RBFOX1: variants seen among roughly 807,000 people sequenced by gnomAD.
RBFOX1 encodes RNA binding protein fox-1 homolog 1.
In RBFOX1, 8 loss-of-function variants were observed where a neutral mutation model predicts 57.7. That is an observed-to-expected ratio of 0.14 (90% CI 0.08 to 0.25). The LOEUF (loss-of-function observed/expected upper bound fraction) is 0.25, where lower values mean the gene tolerates loss of function less well. RBFOX1 is among the 10% of genes least tolerant of loss of function. The pLI, the probability that RBFOX1 is intolerant of heterozygous loss-of-function variation, is 1.00. For missense variants in RBFOX1, 611 were observed against 548.5 expected, an observed-to-expected ratio of 1.11 and a Z score of -1.14; for synonymous variants, 326 against 222.4, an observed-to-expected ratio of 1.47 and a Z score of -4.15.
At chr16:5,531,598 C>G (rs567780608) in intron 2 of RBFOX1, among the ~76,000 whole-genome samples, 4 of 152,296 alleles carry the variant, frequency 2.6e-5, no homozygotes, top group African/African-American at 9.6e-5. Context: ...ATCTGCAAGT[C>G]TCAGTTTTTT....
chr16:6,026,795 A>G (rs990385939), intron 1 of RBFOX1, among the ~76,000 whole-genome samples: 3 of 152,144 alleles, frequency 2.0e-5, no homozygotes, highest in East Asian at 3.9e-4. Context: ...TGGCCTCTTT[A>G]TCTAGGCTCA....
chr16:6,989,079 T>C (rs1004258780), intron 3 of RBFOX1, among the ~76,000 whole-genome samples: 1 of 152,042 alleles, frequency 6.6e-6, no homozygotes, highest in African/African-American at 2.4e-5. Flanking sequence ...GTATTTTTAG[T>C]AGAGACGGGA....
intron 4 of RBFOX1, among the ~76,000 whole-genome samples, chr16:7,215,518 C>T (rs1160687390): frequency 6.6e-6 from 1 of 152,124 alleles, no homozygotes; most frequent in Non-Finnish European, 1.5e-5. Context: ...ACGATTTACA[C>T]AGTGCAAAAT....
intron 4 of RBFOX1, among the ~76,000 whole-genome samples, chr16:5,881,464 G>C (rs1360598158): frequency 6.6e-6 from 1 of 152,130 alleles, no homozygotes; most frequent in Non-Finnish European, 1.5e-5. Context: ...TGGATCACTT[G>C]AGGTGAAGAG....
intron 4 of RBFOX1, among the ~76,000 whole-genome samples, chr16:7,295,755 C>A (rs1189963714): frequency 6.6e-6 from 1 of 151,986 alleles, no homozygotes; most frequent in Non-Finnish European, 1.5e-5. Context: ...TCCCAAATAC[C>A]CCATCGCAAC....
chr16:6,583,343 C>T (rs183085878), intron 2 of RBFOX1, among the ~76,000 whole-genome samples: 11 of 152,226 alleles, frequency 7.2e-5, no homozygotes, highest in African/African-American at 1.9e-4. Flanking sequence ...GGGTGGGTTG[C>T]GTGCAGAGCA....
chr16:7,399,670 G>GCTGTTC (rs2098206003), intron 4 of RBFOX1, among the ~76,000 whole-genome samples: 1 of 152,024 alleles, frequency 6.6e-6, no homozygotes, highest in African/African-American at 2.4e-5. Flanking sequence ...CTTCTGTTCT[G>GCTGTTC]TGTGTCTTCT....
chr16:5,310,335 A>C (rs2064052259), intron 1 of RBFOX1, among the ~76,000 whole-genome samples: 1 of 151,890 alleles, frequency 6.6e-6, no homozygotes, highest in African/African-American at 2.4e-5. Flanking sequence ...CAGGAGGAGG[A>C]GGTTGCAGTG....
chr16:6,514,268 A>G (rs1179181060), intron 2 of RBFOX1, among the ~76,000 whole-genome samples: 1 of 152,172 alleles, frequency 6.6e-6, no homozygotes, highest in Non-Finnish European at 1.5e-5. Context: ...TACACGGGCA[A>G]TCCTTTCCAC....
chr16:5,685,875 A>G (rs1468607545), intron 3 of RBFOX1, among the ~76,000 whole-genome samples: 1 of 152,240 alleles, frequency 6.6e-6, no homozygotes, highest in African/African-American at 2.4e-5. Flanking sequence ...AATCTTTTAC[A>G]TATGCAGAAA....
intron 2 of RBFOX1, among the ~76,000 whole-genome samples, chr16:6,612,585 G>T (rs1451672577): frequency 2.6e-5 from 4 of 151,942 alleles, no homozygotes; most frequent in Non-Finnish European, 1.5e-5. Context: ...GGTGTAGTTG[G>T]TCACACCTGT....
chr16:6,445,697 C>G (rs936926873), intron 2 of RBFOX1, among the ~76,000 whole-genome samples: 3 of 151,994 alleles, frequency 2.0e-5, no homozygotes, highest in African/African-American at 7.2e-5. Context: ...ATTCTCCTGC[C>G]TCAGCCTCCC....
At chr16:6,726,104 G>T (rs554907071) in intron 3 of RBFOX1, among the ~76,000 whole-genome samples, 1 of 152,204 alleles carries the variant, frequency 6.6e-6, no homozygotes, top group East Asian at 1.9e-4. Context: ...AAATATGAGA[G>T]AACTTTGTTA....
intron 5 of RBFOX1, among the ~76,000 whole-genome samples, chr16:7,555,290 G>A (rs1231987898): frequency 6.6e-6 from 1 of 152,140 alleles, no homozygotes; most frequent in Admixed American, 6.5e-5. Flanking sequence ...TCCTGTAAAT[G>A]CAACTTGATG....
chr16:7,636,417 CTTATT>C (rs978661687), intron 11 of RBFOX1, among the ~76,000 whole-genome samples: 13 of 152,116 alleles, frequency 8.5e-5, no homozygotes, highest in Admixed American at 7.9e-4. Flanking sequence ...TGAGATTTTT[CTTATT>C]TTATTATCAG....
At chr16:6,571,435 C>T (rs1466819719) in intron 2 of RBFOX1, among the ~76,000 whole-genome samples, 4 of 152,082 alleles carry the variant, frequency 2.6e-5, no homozygotes, top group East Asian at 1.9e-4. Flanking sequence ...ACCCAGTGCT[C>T]GGAGTGATTT....
intron 1 of RBFOX1, among the ~76,000 whole-genome samples, chr16:6,202,751 A>T (rs2097222987): frequency 6.6e-6 from 1 of 151,892 alleles, no homozygotes; most frequent in African/African-American, 2.4e-5. Context: ...GCCTCCTCCC[A>T]CGTTCTTTAT....
chr16:7,214,167 T>A (rs2091636659), intron 4 of RBFOX1, among the ~76,000 whole-genome samples: 1 of 152,182 alleles, frequency 6.6e-6, no homozygotes, highest in Non-Finnish European at 1.5e-5. Flanking sequence ...ATTATCTTTC[T>A]AATGAAGCCA....
intron 3 of RBFOX1, among the ~76,000 whole-genome samples, chr16:6,940,680 C>G (rs888843803): frequency 6.6e-6 from 1 of 152,110 alleles, no homozygotes; most frequent in African/African-American, 2.4e-5. Context: ...TCACTGCAAG[C>G]TCCGCCTCCC....
Sources: gnomAD v4.1 joint callset for allele counts (sites outside exome capture counted in the v4.1 genomes callset) on GRCh38, gnomAD v4.1.1 for gene constraint, MANE v1.5 for transcripts, NCBI Gene and HGNC (gene_info 2026-07-23, HGNC 2026-07-21) for gene names.